RP1L1: variants seen among roughly 807,000 people sequenced by gnomAD.
RP1L1 encodes RP1 like 1.
A neutral mutation model predicts 15.7 loss-of-function variants in RP1L1; 27 were observed. That is an observed-to-expected ratio of 1.72 (90% CI 1.27 to 2.38). The LOEUF (loss-of-function observed/expected upper bound fraction) is 2.38. RP1L1 is among the 30% of genes most tolerant of loss of function. RP1L1 has a pLI of 0.00. For missense variants in RP1L1, 4,798 were observed against 3,075.9 expected, an observed-to-expected ratio of 1.56 and a Z score of -13.24; for synonymous variants, 1,813 against 1,276.7, an observed-to-expected ratio of 1.42 and a Z score of -8.96.
chr8:10,617,498 A>C (rs959536368), intron 2 of RP1L1, among the ~76,000 whole-genome samples: 3 of 144,348 alleles, frequency 2.1e-5, no homozygotes, highest in East Asian at 2.0e-4. Flanking sequence ...CTTTCAGCCT[A>C]GGTAATTAGA....
At chr8:10,653,459 A>ACACACACACACAC (rs1798591518) in intron 1 of RP1L1, among the ~76,000 whole-genome samples, 1 of 148,714 alleles carries the variant, frequency 6.7e-6, no homozygotes, top group African/African-American at 2.5e-5. Flanking sequence ...GTCTCCCTCC[A>ACACACACACACAC]ACACACACAC....
chr8:10,649,811 G>T lies in RP1L1; in HGVS notation c.-20+5087C>A, dbSNP rs950688502. 2.8e-4 allele frequency among the ~76,000 whole-genome samples: 42 copies of T among 152,196 alleles called. 1 individual carries two copies. Among genetic ancestry groups the T allele is most frequent in the Non-Finnish European group, 8.8e-5 (6 of 68,036 alleles). On this transcript the variant is annotated intron_variant, in intron 1 of 3. Transcript: ENST00000382483. ...AACACACGGGATTACAGATGTGCAA[G>T]CAATTCCCTGAAGCCCATGAGTCTT...
chr8:10,616,410 G>A (rs762794827), intron 3 of RP1L1, 36 bp downstream of exon 3: 3 of 1,613,812 alleles, frequency 1.9e-6, no homozygotes, highest in East Asian at 2.2e-5. Flanking sequence ...ACCATGCAGT[G>A]CAAATCAGAT....
In RP1L1 at chr8:10,607,799, C is replaced by G; in HGVS notation, c.6299G>C (p.Gly2100Ala). The change falls in exon 4 of 4, where the codon GGT becomes GCT. Residue 2100 changes from glycine (G) to alanine (A), a missense_variant. Physicochemically the swap from Gly to Ala is moderately conservative, Grantham distance 60. Transcript: ENST00000382483. ...CCCTTCTGCCTCTGGGGCCTCTACA[C>G]CTTCTGATTCTGGCTGGGCCTCCCC... ...AEGEAQPESE[G>A]VEAPEAEGEA... The G allele has an allele frequency of 6.3e-7, 1 of 1,587,588 alleles. No homozygotes were observed. Among genetic ancestry groups the G allele is most frequent in the African/African-American group, 1.4e-5 (1 of 72,786 alleles).
chr8:10,631,425 A>T (rs912554163), intron 1 of RP1L1, among the ~76,000 whole-genome samples: 14 of 146,006 alleles, frequency 9.6e-5, no homozygotes, highest in Non-Finnish European at 2.2e-4. Context: ...GCACACACAC[A>T]TGCGCGCACA....
intron 1 of RP1L1, among the ~76,000 whole-genome samples, chr8:10,631,335 G>GCACACACA (rs1163545377): frequency 5.0e-4 from 9 of 17,916 alleles, no homozygotes; most frequent in Non-Finnish European, 1.1e-3. Context: ...ACACACACAT[G>GCACACACA]CACACACACG....
chr8:10,647,220 A>G (rs1798492763), intron 1 of RP1L1, among the ~76,000 whole-genome samples: 1 of 152,226 alleles, frequency 6.6e-6, no homozygotes, highest in Non-Finnish European at 1.5e-5. Flanking sequence ...AAGGCAACCA[A>G]GTACAAATCC....
At position 10,613,322 on chromosome 8, in the gene RP1L1, G is replaced by A. The variant is rs374097176; in HGVS notation, c.776C>T (p.Pro259Leu). 3.6e-5 allele frequency: 58 copies of A among 1,600,734 alleles called. No individual in the cohort carries two copies. In the African/African-American group the frequency reaches 4.5e-4, roughly 13 times the overall value. Residue 259 changes from proline to leucine, a missense_variant, in exon 4 of 4, where the codon CCG (proline) becomes CTG (leucine). Coordinates refer to ENST00000382483, the MANE Select transcript of RP1L1 (RefSeq NM_178857.6). ...CGGAGACCGCGAATGGATCACACTC[G>A]GCTTGGTCTTTGGCCCCCAGCTCCC... ...KNGSWGPKTK[P>L]SVIHSRSPPG...
intron 2 of RP1L1, among the ~76,000 whole-genome samples, chr8:10,616,801 T>A (rs1797974430): frequency 6.6e-6 from 1 of 152,212 alleles, no homozygotes; most frequent in South Asian, 2.1e-4. Flanking sequence ...TCTCCCGCTC[T>A]AGCTATACCC....
intron 1 of RP1L1, among the ~76,000 whole-genome samples, 174 bp from the exon 2 acceptor site, chr8:10,623,394 T>C (rs1290938626): frequency 1.3e-5 from 2 of 152,204 alleles, no homozygotes; most frequent in Non-Finnish European, 2.9e-5. Flanking sequence ...AAGTTGGGCA[T>C]GGGACAGATC....
At position 10,606,676 on chromosome 8, in the gene RP1L1, C is replaced by G. The variant is rs1392257805; in HGVS notation, c.*219G>C. 4 of 720,942 alleles carry G rather than the reference C, an allele frequency of 5.5e-6. No individual in the cohort carries two copies. In the Admixed American group the frequency reaches 1.2e-4, roughly 22 times the overall value. The allele number at this position is 720,942 out of a possible 1,614,324, so 44.7% of individuals were successfully genotyped here. On this transcript the variant is annotated 3_prime_UTR_variant, in exon 4 of 4. Coordinates refer to ENST00000382483, the MANE Select transcript of RP1L1 (RefSeq NM_178857.6). ...GGGCAGATCCGCAGACACCCCCTTT[C>G]TTCACACTGCGTGTGGGACGGGCCG...
At chr8:10,620,608 A>C (rs1798042702) in intron 2 of RP1L1, among the ~76,000 whole-genome samples, 1 of 151,982 alleles carries the variant, frequency 6.6e-6, no homozygotes, top group South Asian at 2.1e-4. Flanking sequence ...CTCTGTCTCA[A>C]AAAAAAAGGA....
chr8:10,618,663 A>T (rs535141480), intron 2 of RP1L1, among the ~76,000 whole-genome samples: 2 of 152,146 alleles, frequency 1.3e-5, no homozygotes, highest in Admixed American at 6.5e-5. Flanking sequence ...CAGCACTCCA[A>T]ACTGGGCAAC....
intron 1 of RP1L1, among the ~76,000 whole-genome samples, chr8:10,632,325 G>A (rs1271610937): frequency 6.6e-6 from 1 of 152,156 alleles, no homozygotes; most frequent in Non-Finnish European, 1.5e-5. Flanking sequence ...TTTTTCCTCA[G>A]CCTTTTCTCC....
chr8:10,620,606 C>CA (rs1235147030), intron 2 of RP1L1, among the ~76,000 whole-genome samples: 1 of 150,366 alleles, frequency 6.7e-6, no homozygotes, highest in Non-Finnish European at 1.5e-5. Flanking sequence ...GACTCTGTCT[C>CA]AAAAAAAAAG....
At chr8:10,631,324 CACACACACAT>C (rs1798242400) in intron 1 of RP1L1, among the ~76,000 whole-genome samples, 5 of 56,386 alleles carry the variant, frequency 8.9e-5, no homozygotes, top group Admixed American at 3.8e-4. Context: ...CGCACACACG[CACACACACAT>C]GCACACACAC....
At chr8:10,627,247 G>A (rs1301643421) in intron 1 of RP1L1, among the ~76,000 whole-genome samples, 2 of 152,070 alleles carry the variant, frequency 1.3e-5, no homozygotes, top group South Asian at 2.1e-4. Flanking sequence ...ATTCATCCGC[G>A]GATGAACAGA....
intron 1 of RP1L1, among the ~76,000 whole-genome samples, chr8:10,635,825 G>A (rs1209952429): frequency 1.3e-5 from 2 of 152,224 alleles, no homozygotes; most frequent in East Asian, 3.9e-4. Flanking sequence ...CTTACGGAGC[G>A]CTGAGAGTGG....
intron 3 of RP1L1, among the ~76,000 whole-genome samples, chr8:10,615,517 A>G (rs1797951392): frequency 1.3e-5 from 2 of 152,118 alleles, no homozygotes; most frequent in Admixed American, 1.3e-4. Flanking sequence ...CATTGCTGCC[A>G]TGATGTCATG....
Sources: allele counts gnomAD v4.1 joint callset (sites outside exome capture counted in the v4.1 genomes callset), GRCh38; gene constraint gnomAD v4.1.1; transcripts MANE v1.5; gene names NCBI Gene and HGNC (gene_info 2026-07-23, HGNC 2026-07-21).